Variants in EDIL3 observed in about 807,000 individuals in gnomAD.
The protein encoded by EDIL3 is EGF like and discoidin domains 3.
A neutral mutation model predicts 67.4 loss-of-function variants in EDIL3; 37 were observed. That is an observed-to-expected ratio of 0.55 (90% CI 0.42 to 0.72). The LOEUF is 0.72. EDIL3 is among the 30% of genes least tolerant of loss of function. EDIL3 has a pLI of 0.00. For missense variants in EDIL3, 527 were observed against 586.3 expected (o/e 0.90, Z 1.04); for synonymous variants, 195 against 196.3 (o/e 0.99, Z 0.05).
chr5:84,164,419 T>C (rs965694154), intron 4 of EDIL3, among the ~76,000 whole-genome samples: 1 of 152,046 alleles, frequency 6.6e-6, no homozygotes, highest in South Asian at 2.1e-4. Context: ...CCAGCACTAA[T>C]TCATTCAATA....
intron 1 of EDIL3, among the ~76,000 whole-genome samples, chr5:84,276,299 G>A (rs1478806920): frequency 6.6e-6 from 1 of 152,172 alleles, no homozygotes; most frequent in African/African-American, 2.4e-5. Flanking sequence ...GTGTGAGAGT[G>A]TGCCTAAATT....
chr5:84,238,491 T>G (rs1207812048), intron 2 of EDIL3, among the ~76,000 whole-genome samples: 3 of 151,988 alleles, frequency 2.0e-5, no homozygotes, highest in African/African-American at 7.2e-5. Flanking sequence ...GGGAGTTATC[T>G]TTTTCATGTA....
Position 83,943,266 on chromosome 5 carries a change from C to T in EDIL3, c.*153G>A, listed in dbSNP as rs942836426. The stretch of plus-strand genomic sequence containing the variant: ...CATTGAAAAGGCAGGCTTAGACCCC[C>T]TTAAAAACACCGTTAGTTGCCTACC... On this transcript the variant is annotated 3_prime_UTR_variant, in exon 11 of 11. Coordinates refer to ENST00000296591, the MANE Select transcript of EDIL3 (RefSeq NM_005711.5). 2.0e-6 allele frequency: 2 copies of T among 1,012,378 alleles called. No homozygotes were observed. Among genetic ancestry groups the T allele is most frequent in the Non-Finnish European group, 2.8e-6 (2 of 704,402 alleles). 62.7% of individuals were successfully genotyped at this position (1,012,378 alleles called of 1,614,324 possible).
intron 2 of EDIL3, among the ~76,000 whole-genome samples, chr5:84,232,485 A>G (rs1468469323): frequency 1.3e-5 from 2 of 152,214 alleles, no homozygotes. Flanking sequence ...ATTAGCAAGT[A>G]CAGAAATGAA....
chr5:84,337,099 C>T (rs181186765), intron 1 of EDIL3, among the ~76,000 whole-genome samples: 2 of 152,268 alleles, frequency 1.3e-5, no homozygotes, highest in East Asian at 3.9e-4. Flanking sequence ...CCAACACATC[C>T]TGAACACTGT....
intron 3 of EDIL3, among the ~76,000 whole-genome samples, chr5:84,186,712 A>G (rs141360511): frequency 1.3e-5 from 2 of 152,130 alleles, no homozygotes; most frequent in African/African-American, 4.8e-5. Flanking sequence ...TAGTTTCTAT[A>G]ACATACCAGC....
chr5:84,340,524 CTCTCTCTCTCTATA>C (rs1303749074), intron 1 of EDIL3, among the ~76,000 whole-genome samples: 15 of 71,672 alleles, frequency 2.1e-4, no homozygotes, highest in African/African-American at 6.4e-4. Context: ...CTCTCTCTCT[CTCTCTCTCTCTATA>C]TATATATATA....
intron 3 of EDIL3, among the ~76,000 whole-genome samples, chr5:84,184,603 C>T (rs537229621): frequency 8.3e-4 from 126 of 152,248 alleles, no homozygotes; most frequent in Non-Finnish European, 1.6e-3. Flanking sequence ...AAGGGCTATA[C>T]TATTGATGTG....
intron 4 of EDIL3, among the ~76,000 whole-genome samples, chr5:84,160,742 TTTCTTTCCTTTCCTTTCC>T (rs1356746743): frequency 0.04 from 5,538 of 138,964 alleles, 294 homozygotes; most frequent in Middle Eastern, 0.075. Flanking sequence ...TTTCTTTTCT[TTTCTTTCCTTTCCTTTCC>T]TTTCCTTTCC....
At chr5:84,272,838 A>G (rs1745503509) in intron 1 of EDIL3, among the ~76,000 whole-genome samples, 1 of 152,178 alleles carries the variant, frequency 6.6e-6, no homozygotes, top group Non-Finnish European at 1.5e-5. Flanking sequence ...TATAAGATGG[A>G]AGTATGAATT....
intron 4 of EDIL3, among the ~76,000 whole-genome samples, chr5:84,140,040 T>G (rs1052753491): frequency 1.9e-4 from 29 of 152,234 alleles, no homozygotes; most frequent in African/African-American, 7.0e-4. Flanking sequence ...TGCGTTTTAT[T>G]TTTTTGGCAA....
intron 1 of EDIL3, among the ~76,000 whole-genome samples, chr5:84,295,234 T>C (rs1746023726): frequency 6.6e-6 from 1 of 152,076 alleles, no homozygotes; most frequent in Admixed American, 6.6e-5. Flanking sequence ...TCTGTAGGTG[T>C]GAATATGTGT....
At chr5:84,339,801 G>T (rs1394051090) in intron 1 of EDIL3, among the ~76,000 whole-genome samples, 1 of 151,934 alleles carries the variant, frequency 6.6e-6, no homozygotes, top group African/African-American at 2.4e-5. Context: ...ATAAGTCTAA[G>T]AATTCAGAAA....
intron 3 of EDIL3, among the ~76,000 whole-genome samples, chr5:84,203,877 A>C (rs903731294): frequency 2.6e-5 from 4 of 152,186 alleles, no homozygotes; most frequent in African/African-American, 9.7e-5. Context: ...CGTATATCAC[A>C]TCTGTAGAAA....
At chr5:84,220,436 T>G (rs893216431) in intron 3 of EDIL3, among the ~76,000 whole-genome samples, 1 of 152,208 alleles carries the variant, frequency 6.6e-6, no homozygotes, top group Admixed American at 6.5e-5. Flanking sequence ...ATTATTGAGA[T>G]GTACACCAAA....
At chr5:84,269,349 C>A (rs1026655861) in intron 1 of EDIL3, among the ~76,000 whole-genome samples, 4 of 151,962 alleles carry the variant, frequency 2.6e-5, no homozygotes, top group Non-Finnish European at 1.5e-5. Context: ...AATCAATCAC[C>A]CTTGTACAAA....
At chr5:84,276,585 T>C (rs1264388225) in intron 1 of EDIL3, among the ~76,000 whole-genome samples, 3 of 152,138 alleles carry the variant, frequency 2.0e-5, no homozygotes, top group Admixed American at 6.5e-5. Context: ...TTTTTTTTAA[T>C]TGAGATGGAG....
chr5:84,117,868 G>T (rs1314118839), intron 5 of EDIL3, among the ~76,000 whole-genome samples: 6 of 151,996 alleles, frequency 3.9e-5, no homozygotes, highest in Admixed American at 3.9e-4. Flanking sequence ...AACATAAAAT[G>T]ATGCATATTC....
intron 9 of EDIL3, among the ~76,000 whole-genome samples, chr5:84,020,078 A>C (rs956827500): frequency 1.1e-5 from 1 of 92,518 alleles, no homozygotes; most frequent in African/African-American, 3.9e-5. Context: ...CTTTTGTACA[A>C]AAAAAAAAAA....
Sources: gnomAD v4.1 joint callset for allele counts (sites outside exome capture counted in the v4.1 genomes callset) on GRCh38, gnomAD v4.1.1 for gene constraint, MANE v1.5 for transcripts, NCBI Gene and HGNC (gene_info 2026-07-23, HGNC 2026-07-21) for gene names.